The following BCL2L13 variants were observed in gnomAD, a reference collection of about 807,000 sequenced individuals.
BCL2L13 encodes bcl-2-like protein 13.
BCL2L13 carries 13 observed loss-of-function variants against 25.8 expected under a neutral mutation model. The ratio of observed to expected loss-of-function variants is 0.50; its 90% confidence interval spans 0.33 to 0.80. The LOEUF (loss-of-function observed/expected upper bound fraction) is 0.80, where lower values mean the gene tolerates loss of function less well. Among genes scored for constraint, BCL2L13 ranks in the 30% least tolerant of loss-of-function variants. BCL2L13 has a pLI of 0.02. For missense variants in BCL2L13, 504 were observed against 574.9 expected (o/e 0.88, Z 1.26); for synonymous variants, 244 against 230.3 (o/e 1.06, Z -0.54).
chr22:17,657,021 G>GT (rs1470936001), intron 2 of BCL2L13, among the ~76,000 whole-genome samples: 6 of 152,070 alleles, frequency 3.9e-5, no homozygotes, highest in Admixed American at 2.6e-4. Context: ...GTTTCACCCT[G>GT]TTTCCCAGGC....
At chr22:17,700,613 T>G (rs2060404749) in intron 5 of BCL2L13, among the ~76,000 whole-genome samples, 2 of 152,234 alleles carry the variant, frequency 1.3e-5, no homozygotes, top group Admixed American at 1.3e-4. Context: ...TACCTGCTTC[T>G]ACCCGAGGCA....
At position 17,678,703 on chromosome 22, in the gene BCL2L13, C is replaced by T. The variant is rs141385789; in HGVS notation, c.122-4511C>T. 2.2e-4 allele frequency among the ~76,000 whole-genome samples: 33 copies of T among 152,286 alleles called. No homozygotes were observed. In the East Asian group the frequency reaches 6.2e-3, roughly 28 times the overall value. ...GTACTTTGTAAATGCTTGCTGTTGT[C>T]CTGCCCTTCCTGAACTTCCCCAGTC... On this transcript the variant is annotated intron_variant, in intron 2 of 6. Transcript: ENST00000317582.
At chr22:17,670,794 C>T (rs1472522277) in intron 2 of BCL2L13, among the ~76,000 whole-genome samples, 2 of 152,180 alleles carry the variant, frequency 1.3e-5, no homozygotes, top group African/African-American at 4.8e-5. Flanking sequence ...TGGTTGATCT[C>T]GACCACTGTG....
At chr22:17,702,560 G>A (rs2060470114) in intron 6 of BCL2L13, 174 bp downstream of exon 6, 3 of 534,236 alleles carry the variant, frequency 5.6e-6, no homozygotes, top group Admixed American at 8.0e-5. Context: ...CCTGCCTCAG[G>A]TCCTGAATAG....
intron 2 of BCL2L13, among the ~76,000 whole-genome samples, chr22:17,657,106 C>T (rs2058898872): frequency 6.6e-6 from 1 of 151,982 alleles, no homozygotes; most frequent in African/African-American, 2.4e-5. Flanking sequence ...GGCGTGAGCC[C>T]CAGGCCGGCT....
chr22:17,719,279 C>T (rs1039519690), intron 6 of BCL2L13, among the ~76,000 whole-genome samples: 77 of 151,500 alleles, frequency 5.1e-4, no homozygotes, highest in African/African-American at 1.8e-3. Context: ...TACAAATGGC[C>T]AATTAGCACA....
chr22:17,650,571 A>G (rs1043311814), intron 1 of BCL2L13, among the ~76,000 whole-genome samples: 3 of 152,234 alleles, frequency 2.0e-5, no homozygotes, highest in African/African-American at 7.2e-5. Flanking sequence ...ACTGAGCCTT[A>G]CCTTCTATAG....
At chr22:17,653,929 C>T (rs2587089) in intron 1 of BCL2L13, among the ~76,000 whole-genome samples, 21,212 of 150,156 alleles carry the variant, frequency 0.14, 2,041 homozygotes, top group Non-Finnish European at 0.21. Context: ...CCGACATTGC[C>T]TCTTTTTCCA....
intron 2 of BCL2L13, among the ~76,000 whole-genome samples, chr22:17,660,544 G>A (rs115826500): frequency 0.026 from 3,661 of 141,508 alleles, 244 homozygotes; most frequent in African/African-American, 0.087. Context: ...CTCAGCCTCC[G>A]AGGAGCTGGA....
intron 5 of BCL2L13, among the ~76,000 whole-genome samples, 153 bp from the exon 6 acceptor site, chr22:17,702,090 T>C (rs1231489429): frequency 6.6e-6 from 1 of 152,056 alleles, no homozygotes; most frequent in Non-Finnish European, 1.5e-5. Context: ...TTCAGAAAAA[T>C]CCTAATAGAA....
chr22:17,683,245 G>A lies in BCL2L13; in HGVS notation c.153G>A (p.Leu51=). The A allele has an allele frequency of 6.3e-7, 1 of 1,588,416 alleles. No individual in the cohort carries two copies. The highest frequency in any genetic ancestry group is 8.6e-7 in the Non-Finnish European group (1 of 1,163,786). ...AACTAGATATAGCTTCACAATCTCTGGATCAAGAAATTTTATTAAAAGTTA... is the reference window on the plus strand; with the variant it reads ...AACTAGATATAGCTTCACAATCTCTAGATCAAGAAATTTTATTAAAAGTTA... The part of the protein sequence containing the change: ...GVQLDIASQS[L]DQEILLKVKT... Residue 51 remains leucine, a synonymous_variant, in exon 3 of 7, where the codon CTG becomes CTA. Coordinates refer to ENST00000317582, the MANE Select transcript of BCL2L13 (RefSeq NM_015367.4).
At chr22:17,664,468 G>T (rs575324197) in intron 2 of BCL2L13, among the ~76,000 whole-genome samples, 1 of 151,956 alleles carries the variant, frequency 6.6e-6, no homozygotes, top group Non-Finnish European at 1.5e-5. Context: ...GGCTCTTCCC[G>T]GTGCACAGTG....
chr22:17,687,975 G>A (rs537334598), intron 3 of BCL2L13, among the ~76,000 whole-genome samples: 19 of 151,568 alleles, frequency 1.3e-4, no homozygotes, highest in South Asian at 1.3e-3. Flanking sequence ...GCACCATCAC[G>A]CCCGGCTAAT....
intron 3 of BCL2L13, among the ~76,000 whole-genome samples, chr22:17,683,851 ATTATT>A (rs2059828736): frequency 2.9e-5 from 1 of 34,922 alleles, no homozygotes; most frequent in Non-Finnish European, 5.7e-5. Flanking sequence ...TTCCATTATT[ATTATT>A]ATTATTATTA....
rs1292060118 is a variant in BCL2L13, at chr22:17,727,096, A to G, written c.1020A>G (p.Glu340=). The change falls in exon 7 of 7, where the codon GAA becomes GAG. Residue 340 remains glutamate (E), a synonymous_variant. Coordinates refer to ENST00000317582, the MANE Select transcript of BCL2L13 (RefSeq NM_015367.4). The stretch of plus-strand genomic sequence containing the variant: ...GGGAGCTGCAAGAGGCACTTCCTGA[A>G]GCCCCAGCTCCCTTGCTTCCACATA... ...PARELQEALP[E]APAPLLPHIT... 2 of 1,614,086 alleles carry G rather than the reference A, an allele frequency of 1.2e-6. No individual in the cohort carries two copies. Among genetic ancestry groups the G allele is most frequent in the Non-Finnish European group, 1.7e-6 (2 of 1,180,048 alleles).
rs2587100 is a variant in BCL2L13, at chr22:17,727,938, G to C, written c.*404G>C. ...GTCTCTAGACATTGCCAAATGTCCCGTGTGAACATCCCCTATTGAGACCCA... is the reference window on the plus strand; with the variant it reads ...GTCTCTAGACATTGCCAAATGTCCCCTGTGAACATCCCCTATTGAGACCCA... On this transcript the variant is annotated 3_prime_UTR_variant, in exon 7 of 7. Coordinates refer to ENST00000317582, the MANE Select transcript of BCL2L13 (RefSeq NM_015367.4). 0.39 allele frequency: 81,869 copies of C among 209,184 alleles called. 17,465 individuals carry two copies. Among genetic ancestry groups the C allele is most frequent in the African/African-American group, 0.54 (23,883 of 44,572 alleles). The allele number at this position is 209,184 out of a possible 1,614,324, so 13.0% of individuals were successfully genotyped here. A position where few individuals can be genotyped will look rare whatever the true frequency, so the allele number is the denominator to read the frequency against.
At chr22:17,691,945 G>C (rs550368766) in intron 4 of BCL2L13, among the ~76,000 whole-genome samples, 1 of 152,130 alleles carries the variant, frequency 6.6e-6, no homozygotes, top group Non-Finnish European at 1.5e-5. Flanking sequence ...AATTGGTTAT[G>C]TATCAAAGTC....
Position 17,685,301 on chromosome 22 carries a change from C to G in BCL2L13, c.229+1980C>G, listed in dbSNP as rs149299072. Among the ~76,000 whole-genome samples, 118 of 152,290 alleles carry G rather than the reference C, an allele frequency of 7.7e-4. No homozygotes were observed. The East Asian group carries it at 0.021, about 27-fold the overall frequency. On this transcript the variant is annotated intron_variant, in intron 3 of 6. Coordinates refer to ENST00000317582, the MANE Select transcript of BCL2L13 (RefSeq NM_015367.4). Reference sequence around the variant, plus strand: ...CATGCAGTGGCATGATCTGGGCTCACTGCAACCTCCGACTTTAAGGTTCAA... The same window carrying G: ...CATGCAGTGGCATGATCTGGGCTCAGTGCAACCTCCGACTTTAAGGTTCAA...
chr22:17,706,447 G>A (rs1024661991), intron 6 of BCL2L13, among the ~76,000 whole-genome samples: 1 of 151,278 alleles, frequency 6.6e-6, no homozygotes, highest in African/African-American at 2.4e-5. Flanking sequence ...CCTGTGTTTT[G>A]GAAGGATTCA....
Sources: gnomAD v4.1 joint callset for allele counts (sites outside exome capture counted in the v4.1 genomes callset) on GRCh38, gnomAD v4.1.1 for gene constraint, MANE v1.5 for transcripts, NCBI Gene and HGNC (gene_info 2026-07-23, HGNC 2026-07-21) for gene names.